The following MYO15A variants were observed in gnomAD, a reference collection of about 807,000 sequenced individuals.
MYO15A encodes myosin XVA.
A neutral mutation model predicts 394.6 loss-of-function variants in MYO15A; 308 were observed. That is an observed-to-expected ratio of 0.78 (90% CI 0.71 to 0.86). MYO15A has a LOEUF of 0.86. Among genes scored for constraint, MYO15A ranks in the 40% least tolerant of loss-of-function variants. The probability of loss-of-function intolerance (pLI) is 0.00; values close to 1 mark genes in which losing one functional copy is unlikely to be tolerated. For missense variants in MYO15A, 4,606 were observed against 4,799.1 expected (o/e 0.96, Z 1.19); for synonymous variants, 1,957 against 2,003.8 (o/e 0.98, Z 0.62).
rs771782141 is a variant in MYO15A, at chr17:18,126,361, C to T, written c.3771C>T (p.Ser1257=). Reference sequence around the variant, plus strand: ...CTGCCCAGCAGACATACATTGGGAGCATCCTGGTGTCGGTGAACCCATACC... The same window carrying T: ...CTGCCCAGCAGACATACATTGGGAGTATCCTGGTGTCGGTGAACCCATACC... ...ERNLIYTYIG[S]ILVSVNPYQM... Residue 1257 remains serine (S), a synonymous_variant, in exon 5 of 66, where the codon AGC becomes AGT. Transcript: ENST00000647165. 1.2e-6 allele frequency: 2 copies of T among 1,613,938 alleles called. No individual in the cohort carries two copies. The highest frequency in any genetic ancestry group is 1.7e-6 in the Non-Finnish European group (2 of 1,179,920).
intron 38 of MYO15A, 26 bp from the exon 39 acceptor site, chr17:18,151,084 C>G: frequency 6.2e-7 from 1 of 1,613,508 alleles, no homozygotes; most frequent in Non-Finnish European, 8.5e-7. Flanking sequence ...CCCAGGCAGC[C>G]CACCCTCACG....
At position 18,120,194 on chromosome 17, in the gene MYO15A, A is replaced by T. The variant is rs1227188957; in HGVS notation, c.1394A>T (p.Lys465Met). ...TTCTTCGAGCAGCAAGGCATGGATAAGCCCGCCAGGTCCAAGCTGTCCCTC... is the reference window on the plus strand; with the variant it reads ...TTCTTCGAGCAGCAAGGCATGGATATGCCCGCCAGGTCCAAGCTGTCCCTC... ...AAFFEQQGMDKPARSKLSLIR... is the reference protein window; with the variant it reads ...AAFFEQQGMDMPARSKLSLIR... Residue 465 changes from lysine (K) to methionine (M), a missense_variant, in exon 2 of 66, where the codon AAG (lysine) becomes ATG (methionine). Lys to Met is a moderately conservative substitution (Grantham distance 95). Around this residue, in one of 2 missense-constraint regions of MYO15A, gnomAD observed 1,830 missense variants for 1,689.7 expected, o/e 1.08. Coordinates refer to ENST00000647165, the MANE Select transcript of MYO15A (RefSeq NM_016239.4). The T allele has an allele frequency of 1.9e-6, 3 of 1,612,750 alleles. No homozygotes were observed. The highest frequency in any genetic ancestry group is 2.7e-5 in the African/African-American group (2 of 74,948).
At chr17:18,143,049 T>C (rs910571057) in intron 25 of MYO15A, among the ~76,000 whole-genome samples, 1 of 152,198 alleles carries the variant, frequency 6.6e-6, no homozygotes, top group Non-Finnish European at 1.5e-5. Context: ...AGATGTTGCA[T>C]TGAAGGATTT....
intron 29 of MYO15A, 145 bp downstream of exon 29, chr17:18,144,737 AG>A (rs2046446294): frequency 3.0e-6 from 2 of 675,862 alleles, no homozygotes; most frequent in Non-Finnish European, 5.1e-6. Flanking sequence ...TTTATGTCAG[AG>A]GGGGAAATCT....
At chr17:18,156,933 C>T in intron 48 of MYO15A, 21 bp from the exon 49 acceptor site, 2 of 1,610,646 alleles carry the variant, frequency 1.2e-6, no homozygotes, top group Non-Finnish European at 1.7e-6. Context: ...GTTGCCCTCA[C>T]CCTGCCTCTG....
Position 18,119,810 on chromosome 17 carries a change from A to G in MYO15A, c.1010A>G (p.His337Arg), listed in dbSNP as rs763807886. 1 of 1,613,050 alleles carries G rather than the reference A, an allele frequency of 6.2e-7. No individual in the cohort carries two copies. Among genetic ancestry groups the G allele is most frequent in the South Asian group, 1.1e-5 (1 of 91,084 alleles). ...CACGATGGGTACGAGGGCGAGGCGC[A>G]CCCTTATGGCTACTACCTGGATCCC... ...SYHDGYEGEA[H>R]PYGYYLDPYA... Residue 337 changes from histidine (H) to arginine (R), a missense_variant, in exon 2 of 66, where the codon CAC (histidine) becomes CGC (arginine). Physicochemically the swap from His to Arg is conservative, Grantham distance 29 (BLOSUM62 0). Around this residue, in one of 2 missense-constraint regions of MYO15A, gnomAD observed 1,830 missense variants for 1,689.7 expected, o/e 1.08. Transcript: ENST00000647165.
intron 7 of MYO15A, among the ~76,000 whole-genome samples, chr17:18,127,836 TA>T (rs1257332037): frequency 1.8e-5 from 1 of 55,918 alleles, no homozygotes; most frequent in Non-Finnish European, 3.5e-5. Flanking sequence ...AAAAAAAAGA[TA>T]TATATATATA....
chr17:18,140,684 G>T lies in MYO15A; in HGVS notation c.5360+19G>T. On this transcript the variant is annotated intron_variant, in intron 20 of 65. Coordinates refer to ENST00000647165, the MANE Select transcript of MYO15A (RefSeq NM_016239.4). ...TGGAGAGGTGGGGTGGGGGGCAGGT[G>T]GGCGGAGCACCCAGCCTCATCCTTA... 6.2e-7 allele frequency: 1 copy of T among 1,613,950 alleles called. No individual in the cohort carries two copies.
Position 18,121,298 on chromosome 17 carries a change from TGGGCCCACCCGGCTCGCCGCTGCC to T in MYO15A, c.2503_2526del (p.Pro835_Gly842del), listed in dbSNP as rs755648730. On this transcript the variant is annotated inframe_deletion, in exon 2 of 66. Coordinates refer to ENST00000647165, the MANE Select transcript of MYO15A (RefSeq NM_016239.4). This position sits in a 1 kb window ranked among gnomAD's most constrained non-coding sequence, Gnocchi z 5.3. ...GCCCCACGCCGAGCCGCTGGGCGCC[TGGGCCCACCCGGCTCGCCGCTGCC>T]GGGCTCACCCAGGCCGCCCTCGCCG... The T allele has an allele frequency of 2.2e-6, 3 of 1,334,294 alleles. No homozygotes were observed. The highest frequency in any genetic ancestry group is 3.1e-5 in the African/African-American group (2 of 63,736). 82.7% of individuals were successfully genotyped at this position (1,334,294 alleles called of 1,614,324 possible). A position where few individuals can be genotyped will look rare whatever the true frequency, so the allele number is the denominator to read the frequency against.
At chr17:18,169,799 CA>C (rs1248177101) in intron 62 of MYO15A, among the ~76,000 whole-genome samples, 3 of 150,458 alleles carry the variant, frequency 2.0e-5, no homozygotes, top group South Asian at 4.2e-4. Flanking sequence ...ACTCTATTTT[CA>C]AAAAAAAATT....
chr17:18,136,747 C>T lies in MYO15A; in HGVS notation c.4779+61C>T, dbSNP rs577577911. 27 of 1,531,914 alleles carry T rather than the reference C, an allele frequency of 1.8e-5. 1 individual carries two copies. In the South Asian group the frequency reaches 2.0e-4, roughly 11 times the overall value. 94.9% of individuals were successfully genotyped at this position (1,531,914 alleles called of 1,614,324 possible). On this transcript the variant is annotated intron_variant, in intron 15 of 65. Coordinates refer to ENST00000647165, the MANE Select transcript of MYO15A (RefSeq NM_016239.4). ...TAGGCAAGGTCTCGCCTCCCTCAGG[C>T]GTCTCGGGCTGCCCTTCCCATCCCT...
chr17:18,174,276 C>T (rs906358249), intron 65 of MYO15A, among the ~76,000 whole-genome samples: 8 of 152,110 alleles, frequency 5.3e-5, no homozygotes, highest in African/African-American at 1.7e-4. Flanking sequence ...GAAACTGAGA[C>T]CCACCTGCCC....
chr17:18,143,233 G>A (rs1696611535), intron 25 of MYO15A, among the ~76,000 whole-genome samples: 1 of 152,196 alleles, frequency 6.6e-6, no homozygotes, highest in African/African-American at 2.4e-5. Context: ...GCAGTAGGTA[G>A]CCTTTACTGA....
In MYO15A at chr17:18,151,486, G is replaced by A. The variant is rs1189871313; in HGVS notation, c.7746G>A (p.Gln2582=). 8 of 1,614,072 alleles carry A rather than the reference G, an allele frequency of 5.0e-6. No individual in the cohort carries two copies. In the African/African-American group the frequency reaches 6.7e-5, roughly 13 times the overall value. The part of the protein sequence containing the change: ...PTQQIKNIVR[Q]YQQPFRGGRP... ...AGCAGATCAAGAATATTGTCAGGCA[G>A]TACCAGCAGCCGTTCCGGGGAGGCC... is the stretch of plus-strand genomic sequence containing the variant. Residue 2582 remains glutamine, a synonymous_variant, in exon 40 of 66, where the codon CAG becomes CAA. Coordinates refer to ENST00000647165, the MANE Select transcript of MYO15A (RefSeq NM_016239.4).
intron 59 of MYO15A, 47 bp from the exon 60 acceptor site, chr17:18,163,695 G>C: frequency 6.4e-7 from 1 of 1,553,876 alleles, no homozygotes; most frequent in South Asian, 1.2e-5. Flanking sequence ...GAAGGACAGA[G>C]GTCAAGCCCA....
intron 62 of MYO15A, among the ~76,000 whole-genome samples, chr17:18,168,177 A>G (rs1259516563): frequency 6.6e-6 from 1 of 152,036 alleles, no homozygotes; most frequent in Non-Finnish European, 1.5e-5. Context: ...TTAATTATTG[A>G]TTTTCTCTTT....
chr17:18,163,326 G>A lies in MYO15A; in HGVS notation c.9690+5G>A. On this transcript the variant is annotated splice_donor_5th_base_variant and intron_variant, in intron 59 of 65. Coordinates refer to ENST00000647165, the MANE Select transcript of MYO15A (RefSeq NM_016239.4). ...CTCAAAATCAAAACATGCACTGTAAGTGAAGAAATGTCTCCTGCAGCCAGG... is the reference window on the plus strand; with the variant it reads ...CTCAAAATCAAAACATGCACTGTAAATGAAGAAATGTCTCCTGCAGCCAGG... The A allele has an allele frequency of 6.2e-7, 1 of 1,613,764 alleles. No individual in the cohort carries two copies. The highest frequency in any genetic ancestry group is 8.5e-7 in the Non-Finnish European group (1 of 1,179,712).
chr17:18,125,254 C>T (rs985969454), intron 4 of MYO15A, 23 bp downstream of exon 4: 1 of 1,611,920 alleles, frequency 6.2e-7, no homozygotes, highest in Admixed American at 1.7e-5. Context: ...GCTGGCCCTG[C>T]CCTGGGCCTA....
chr17:18,165,022 C>T (rs1248880024), intron 60 of MYO15A: 1 of 146,708 alleles, frequency 6.8e-6, no homozygotes, highest in Non-Finnish European at 1.5e-5. Flanking sequence ...GCCTGCCACT[C>T]AGGAGGGTGA....
Sources: gnomAD v4.1 joint callset for allele counts (sites outside exome capture counted in the v4.1 genomes callset) on GRCh38, gnomAD v4.1.1 for gene constraint, gnomAD v4.1.1 regional missense constraint, Gnocchi (gnomAD v3.1) non-coding constraint, MANE v1.5 for transcripts, NCBI Gene and HGNC (gene_info 2026-07-23, HGNC 2026-07-21) for gene names.